The following CAMK2B variants were observed in gnomAD, a reference collection of about 807,000 sequenced individuals.
The protein encoded by CAMK2B is calcium/calmodulin-dependent protein kinase type II subunit beta.
A neutral mutation model predicts 93.7 loss-of-function variants in CAMK2B; 27 were observed. That is an observed-to-expected ratio of 0.29 (90% CI 0.21 to 0.40). CAMK2B has a LOEUF of 0.40. CAMK2B is among the 10% of genes least tolerant of loss of function. CAMK2B has a pLI of 1.00. For missense variants in CAMK2B, 568 were observed against 895.8 expected (o/e 0.63, Z 4.67); for synonymous variants, 374 against 358.8 (o/e 1.04, Z -0.48).
intron 1 of CAMK2B, among the ~76,000 whole-genome samples, chr7:44,304,658 G>T (rs1244600806): frequency 6.6e-6 from 1 of 152,220 alleles, no homozygotes; most frequent in Non-Finnish European, 1.5e-5. Context: ...TACTCTGTGT[G>T]ACACTGTAAT....
At chr7:44,277,426 C>T (rs921943236) in intron 2 of CAMK2B, among the ~76,000 whole-genome samples, 2 of 152,172 alleles carry the variant, frequency 1.3e-5, no homozygotes, top group African/African-American at 2.4e-5. Flanking sequence ...GTCCGCGTGG[C>T]CGAGTATTTC....
intron 1 of CAMK2B, among the ~76,000 whole-genome samples, chr7:44,318,597 A>G (rs1795354482): frequency 6.6e-6 from 1 of 152,234 alleles, no homozygotes; most frequent in Non-Finnish European, 1.5e-5. Flanking sequence ...AGGGCATTAC[A>G]GCAAAAGGCA....
intron 1 of CAMK2B, among the ~76,000 whole-genome samples, chr7:44,319,785 C>T (rs1262312739): frequency 6.6e-6 from 1 of 152,214 alleles, no homozygotes; most frequent in Non-Finnish European, 1.5e-5. Context: ...CGCGTATGCA[C>T]ACATTTCTCT....
At chr7:44,241,998 G>A (rs1219574174) in intron 10 of CAMK2B, among the ~76,000 whole-genome samples, 4 of 152,188 alleles carry the variant, frequency 2.6e-5, no homozygotes, top group African/African-American at 4.8e-5. Flanking sequence ...CTGCAGTTGG[G>A]AGGAAGGGAT....
In CAMK2B at chr7:44,225,846, C is replaced by T. The variant is rs1316134379; in HGVS notation, c.1597+670G>A. ...CTCCACACCACCCCCAGTCTGGTGTCTCCCCACAGGTGGGGGTGGCAGCAG... is the reference window on the plus strand; with the variant it reads ...CTCCACACCACCCCCAGTCTGGTGTTTCCCCACAGGTGGGGGTGGCAGCAG... On this transcript the variant is annotated intron_variant, in intron 20 of 23. Transcript: ENST00000395749. The surrounding 1 kb of genome is among the most constrained non-coding windows in gnomAD (Gnocchi z 5.0). 5.4e-6 allele frequency: 7 copies of T among 1,289,182 alleles called. No homozygotes were observed. Among genetic ancestry groups the T allele is most frequent in the African/African-American group, 1.5e-5 (1 of 65,840 alleles). 79.9% of individuals were successfully genotyped at this position (1,289,182 alleles called of 1,614,324 possible).
At position 44,284,216 on chromosome 7, in the gene CAMK2B, G is replaced by T; in HGVS notation, c.75C>A (p.Phe25Leu). Residue 25 changes from phenylalanine (F) to leucine (L), a missense_variant, in exon 2 of 24, where the codon TTC (phenylalanine) becomes TTA (leucine). Physicochemically the swap from Phe to Leu is conservative, Grantham distance 22 (BLOSUM62 0). This residue lies in a region of CAMK2B where 39 missense variants were observed against 43.4 expected (regional missense o/e 0.90). Transcript: ENST00000395749. ...QLYEDIGKGA[F>L]SVVRRCVKLC... ...GCTTGACACAGCGTCGGACCACAGA[G>T]AAAGCCCCCCTGGGGAGGAAAATGG... is the stretch of plus-strand genomic sequence containing the variant. 1 of 1,612,888 alleles carries T rather than the reference G, an allele frequency of 6.2e-7. No individual in the cohort carries two copies.
chr7:44,232,906 A>C, intron 15 of CAMK2B, 40 bp from the exon 16 acceptor site: 1 of 1,590,048 alleles, frequency 6.3e-7, no homozygotes, highest in Non-Finnish European at 8.6e-7. Context: ...AAAGAGAGGG[A>C]AAGTGAGAAG....
intron 5 of CAMK2B, among the ~76,000 whole-genome samples, chr7:44,253,047 G>C (rs1350558969): frequency 1.3e-5 from 2 of 152,176 alleles, no homozygotes; most frequent in African/African-American, 4.8e-5. Context: ...AGTGGCACCA[G>C]AGCTGCTCAC....
intron 2 of CAMK2B, among the ~76,000 whole-genome samples, chr7:44,276,888 T>C (rs2097050242): frequency 6.6e-6 from 1 of 152,096 alleles, no homozygotes; most frequent in Admixed American, 6.5e-5. Context: ...GACTCAGCTT[T>C]CCCCCCATGT....
intron 1 of CAMK2B, among the ~76,000 whole-genome samples, chr7:44,307,614 C>G (rs1018903048): frequency 6.6e-6 from 1 of 152,022 alleles, no homozygotes; most frequent in Non-Finnish European, 1.5e-5. Context: ...CAGGGGCCAA[C>G]CTACTCCCTG....
chr7:44,235,634 C>T lies in CAMK2B; in HGVS notation c.1022-958G>A, dbSNP rs77475460. Among the ~76,000 whole-genome samples, 36 of 152,352 alleles carry T rather than the reference C, an allele frequency of 2.4e-4. No individual in the cohort carries two copies. In the East Asian group the frequency reaches 4.6e-3, roughly 20 times the overall value. ...TGGTTCGGGCAGGGGCGCAAGACTG[C>T]GGGCCCAGGACTCACAGGTCACCAG... On this transcript the variant is annotated intron_variant, in intron 13 of 23. Coordinates refer to ENST00000395749, the MANE Select transcript of CAMK2B (RefSeq NM_001220.5).
In CAMK2B at chr7:44,232,857, T is replaced by A. The variant is rs746959677; in HGVS notation, c.1141A>T (p.Thr381Ser). 6.4e-5 allele frequency: 104 copies of A among 1,613,524 alleles called. No homozygotes were observed. The highest frequency in any genetic ancestry group is 8.4e-5 in the Non-Finnish European group (99 of 1,179,844). ...TCCACTGGGTTATGGATGACGGTGG[T>A]TTGAGGCTCCTACAGAAGAAGGAAG... ...TLPPAALEPQ[T>S]TVIHNPVDGI... is the part of the protein sequence containing the mutation. The change falls in exon 16 of 24, where the codon ACC becomes TCC. Residue 381 changes from threonine (T) to serine (S), a missense_variant. Transcript: ENST00000395749.
intron 3 of CAMK2B, among the ~76,000 whole-genome samples, chr7:44,262,393 C>T (rs1054554876): frequency 6.6e-6 from 1 of 152,254 alleles, no homozygotes; most frequent in African/African-American, 2.4e-5. Flanking sequence ...CCCTGTGGAG[C>T]AGCTGACTCT....
In CAMK2B at chr7:44,217,586, AGATGTTTACCCT is replaced by A. The variant is rs1170571013; in HGVS notation, c.*1927_*1938del. 6.6e-6 allele frequency: 1 copy of A among 152,254 alleles called. No individual in the cohort carries two copies. Among genetic ancestry groups the A allele is most frequent in the Admixed American group, 6.5e-5 (1 of 15,282 alleles). 9.4% of individuals were successfully genotyped at this position (152,254 alleles called of 1,614,324 possible). A position where few individuals can be genotyped will look rare whatever the true frequency, so the allele number is the denominator to read the frequency against. On this transcript the variant is annotated 3_prime_UTR_variant, in exon 24 of 24. Coordinates refer to ENST00000395749, the MANE Select transcript of CAMK2B (RefSeq NM_001220.5). The stretch of plus-strand genomic sequence containing the variant: ...GGGAGCCACTGGTGCGGAGCCCGGC[AGATGTTTACCCT>A]GTGTTCATGGATGGGGACAGCTGTC...
At chr7:44,242,446 A>C in intron 9 of CAMK2B, 106 bp from the exon 10 acceptor site, 1 of 1,536,992 alleles carries the variant, frequency 6.5e-7, no homozygotes, top group East Asian at 2.3e-5. Context: ...GGAGAGCAGG[A>C]CCCAGGACCT....
Position 44,225,636 on chromosome 7 carries a change from C to T in CAMK2B, c.1597+880G>A, listed in dbSNP as rs181378047. 3.6e-4 allele frequency: 317 copies of T among 877,500 alleles called. No individual in the cohort carries two copies. The highest frequency in any genetic ancestry group is 4.7e-4 in the Non-Finnish European group (293 of 625,524). 54.4% of individuals were successfully genotyped at this position (877,500 alleles called of 1,614,324 possible). A position where few individuals can be genotyped will look rare whatever the true frequency, so the allele number is the denominator to read the frequency against. ...AGCCTGCAGCCTGCATCCCCCTCCT[C>T]GAGCCGCTGCTCCTGTGGGTTCACT... On this transcript the variant is annotated intron_variant, in intron 20 of 23. Coordinates refer to ENST00000395749, the MANE Select transcript of CAMK2B (RefSeq NM_001220.5). This position sits in a 1 kb window ranked among gnomAD's most constrained non-coding sequence, Gnocchi z 5.0.
chr7:44,225,687 G>A lies in CAMK2B; in HGVS notation c.1597+829C>T, dbSNP rs921708148. The A allele has an allele frequency of 2.1e-5, 26 of 1,257,850 alleles. No homozygotes were observed. The East Asian group carries it at 2.2e-4, about 11-fold the overall frequency. The allele number at this position is 1,257,850 out of a possible 1,614,324, so 77.9% of individuals were successfully genotyped here. ...CTCCCCACACCCTTCTGCCCTGGCCGCCTGCAGCAGCCCCCAGGCCCAGCC... is the reference window on the plus strand; with the variant it reads ...CTCCCCACACCCTTCTGCCCTGGCCACCTGCAGCAGCCCCCAGGCCCAGCC... On this transcript the variant is annotated intron_variant, in intron 20 of 23. Transcript: ENST00000395749. This position sits in a 1 kb window ranked among gnomAD's most constrained non-coding sequence, Gnocchi z 5.0.
At position 44,262,940 on chromosome 7, in the gene CAMK2B, C is replaced by T. The variant is rs1293881299; in HGVS notation, c.220+65G>A. 2.0e-5 allele frequency: 28 copies of T among 1,384,098 alleles called. No individual in the cohort carries two copies. The Middle Eastern group carries it at 7.3e-4, about 36-fold the overall frequency. The allele number at this position is 1,384,098 out of a possible 1,614,324, so 85.7% of individuals were successfully genotyped here. A position where few individuals can be genotyped will look rare whatever the true frequency, so the allele number is the denominator to read the frequency against. Reference sequence around the variant, plus strand: ...CTCTTTGAAAGTCTGATAGAGAAACCGGAATGGGCTGCTGTCCGGGAGAAG... The same window carrying T: ...CTCTTTGAAAGTCTGATAGAGAAACTGGAATGGGCTGCTGTCCGGGAGAAG... On this transcript the variant is annotated intron_variant, in intron 3 of 23. Coordinates refer to ENST00000395749, the MANE Select transcript of CAMK2B (RefSeq NM_001220.5).
At chr7:44,259,488 A>G (rs1274162894) in intron 3 of CAMK2B, 1 of 154,276 alleles carries the variant, frequency 6.5e-6, no homozygotes, top group African/African-American at 2.4e-5. Flanking sequence ...ATCATCCAAA[A>G]TTTTGGGCCC....
Sources: allele counts gnomAD v4.1 joint callset (sites outside exome capture counted in the v4.1 genomes callset), GRCh38; gene constraint gnomAD v4.1.1; regional missense constraint gnomAD v4.1.1; non-coding constraint Gnocchi (gnomAD v3.1); transcripts MANE v1.5; gene names NCBI Gene and HGNC (gene_info 2026-07-23, HGNC 2026-07-21).